The following ESF1 variants were observed in gnomAD, a reference collection of about 807,000 sequenced individuals.
The protein encoded by ESF1 is ESF1 homolog.
A neutral mutation model predicts 92.0 loss-of-function variants in ESF1; 58 were observed. That is an observed-to-expected ratio of 0.63 (90% CI 0.51 to 0.78). ESF1 has a LOEUF of 0.78. ESF1 is among the 30% of genes least tolerant of loss of function. ESF1 has a pLI of 0.00. For synonymous variants in ESF1, 321 were observed against 313.7 expected, an observed-to-expected ratio of 1.02 and a Z score of -0.24; for missense variants, 922 against 989.1, an observed-to-expected ratio of 0.93 and a Z score of 0.91.
chr20:13,717,601 C>A, intron 12 of ESF1, 87 bp from the exon 13 acceptor site: 1 of 1,457,126 alleles, frequency 6.9e-7, no homozygotes, highest in Admixed American at 2.0e-5. Context: ...GATATCTCTT[C>A]TAGAAAGGAA....
At chr20:13,749,446 C>T (rs987346893) in intron 9 of ESF1, among the ~76,000 whole-genome samples, 3 of 152,088 alleles carry the variant, frequency 2.0e-5, no homozygotes, top group Non-Finnish European at 4.4e-5. Flanking sequence ...AACGGGAACT[C>T]AGTGGTTACT....
intron 9 of ESF1, among the ~76,000 whole-genome samples, chr20:13,735,247 G>T (rs1449019919): frequency 6.6e-6 from 1 of 152,054 alleles, no homozygotes; most frequent in Non-Finnish European, 1.5e-5. Flanking sequence ...ACCTTCCTTG[G>T]TTTTTAACCC....
intron 10 of ESF1, among the ~76,000 whole-genome samples, chr20:13,732,232 C>T (rs983190971): frequency 5.0e-4 from 76 of 152,132 alleles, no homozygotes; most frequent in Admixed American, 4.8e-3. Context: ...GGAGGTCACC[C>T]AGCCGGTGTC....
At chr20:13,744,579 C>A (rs2050035900) in intron 9 of ESF1, among the ~76,000 whole-genome samples, 1 of 152,174 alleles carries the variant, frequency 6.6e-6, no homozygotes. Flanking sequence ...GCTTTCCATA[C>A]CCTGGCTAAC....
chr20:13,760,741 C>T (rs1458682081), intron 8 of ESF1, among the ~76,000 whole-genome samples: 7 of 150,520 alleles, frequency 4.7e-5, no homozygotes, highest in Admixed American at 3.3e-4. Flanking sequence ...CCAGCCGCCC[C>T]GTCCGGGAGG....
rs1332498670 is a variant in ESF1 at position 13,772,515 on chromosome 20, C to G, written c.1250G>C (p.Trp417Ser). Residue 417 changes from tryptophan (W) to serine (S), a missense_variant and splice_region_variant, in exon 5 of 14, where the codon TGG (tryptophan) becomes TCG (serine). Trp to Ser is a radical substitution (Grantham distance 177). Coordinates refer to ENST00000617257, the MANE Select transcript of ESF1 (RefSeq NM_001276380.2). ...TTTATGTTCTATAGTGATTTAATACCAGTCTTTTTCTGGGGCATCTTCAGG... is the reference window on the plus strand; with the variant it reads ...TTTATGTTCTATAGTGATTTAATACGAGTCTTTTTCTGGGGCATCTTCAGG... Reference protein sequence around the residue: ...SIPEDAPEKDWTSREKLRDYQ... With the variant: ...SIPEDAPEKDSTSREKLRDYQ... 6.3e-7 allele frequency: 1 copy of G among 1,596,726 alleles called. No homozygotes were observed. The highest frequency in any genetic ancestry group is 1.7e-5 in the Admixed American group (1 of 59,978).
At chr20:13,736,990 G>C (rs1422403829) in intron 9 of ESF1, among the ~76,000 whole-genome samples, 3 of 152,088 alleles carry the variant, frequency 2.0e-5, no homozygotes, top group African/African-American at 7.2e-5. Context: ...TAAATCTCTT[G>C]CCACAGATCA....
At chr20:13,716,844 G>T (rs1413879788) in intron 13 of ESF1, among the ~76,000 whole-genome samples, 7 of 87,124 alleles carry the variant, frequency 8.0e-5, no homozygotes, top group Admixed American at 1.4e-4. Context: ...TTTAGACAGA[G>T]TCTTGCTCTG....
intron 9 of ESF1, among the ~76,000 whole-genome samples, chr20:13,748,736 G>A (rs989430886): frequency 1.3e-4 from 20 of 150,974 alleles, no homozygotes; most frequent in East Asian, 2.0e-4. Flanking sequence ...ACAGGCACCC[G>A]CCACTAGGCC....
intron 5 of ESF1, among the ~76,000 whole-genome samples, chr20:13,772,096 TA>T (rs34368329): frequency 1.9e-4 from 28 of 145,954 alleles, no homozygotes; most frequent in African/African-American, 2.8e-4. Flanking sequence ...ACCATGATGA[TA>T]AAAAAAAAAG....
rs149735384 is a variant in ESF1 at position 13,723,835 on chromosome 20, T to C, written c.2038+4543A>G. On this transcript the variant is annotated intron_variant, in intron 11 of 13. Coordinates refer to ENST00000617257, the MANE Select transcript of ESF1 (RefSeq NM_001276380.2). ...TGCCAAATTCATTATATCTTAAATA[T>C]TTTTGAAAAGCAAGGTCTATATCCT... 4.4e-3 allele frequency among the ~76,000 whole-genome samples: 667 copies of C among 152,348 alleles called. 7 individuals carry two copies. The highest frequency in any genetic ancestry group is 0.016 in the African/African-American group (645 of 41,582).
intron 9 of ESF1, among the ~76,000 whole-genome samples, chr20:13,752,595 A>C (rs1978689680): frequency 6.6e-6 from 1 of 152,262 alleles, no homozygotes; most frequent in African/African-American, 2.4e-5. Context: ...TAAAAATTAA[A>C]ATGCTTGAAA....
intron 12 of ESF1, 87 bp downstream of exon 12, chr20:13,718,821 G>A: frequency 2.2e-6 from 2 of 903,166 alleles, no homozygotes; most frequent in East Asian, 3.0e-5. Context: ...AAAATAAGTT[G>A]TTTTTTAAAA....
At chr20:13,756,149 C>T (rs1328770232) in intron 9 of ESF1, among the ~76,000 whole-genome samples, 1 of 152,198 alleles carries the variant, frequency 6.6e-6, no homozygotes, top group East Asian at 1.9e-4. Flanking sequence ...TTGTAAGTAT[C>T]TCTAAGCAAG....
At chr20:13,765,928 T>C (rs946219711) in intron 8 of ESF1, among the ~76,000 whole-genome samples, 1 of 151,902 alleles carries the variant, frequency 6.6e-6, no homozygotes, top group Non-Finnish European at 1.5e-5. Flanking sequence ...GTAAAAAATA[T>C]AAAAAGTGGT....
rs746830244 is a variant in ESF1 at position 13,714,861 on chromosome 20, A to T, written c.*13T>A. On this transcript the variant is annotated 3_prime_UTR_variant, in exon 14 of 14. Coordinates refer to ENST00000617257, the MANE Select transcript of ESF1 (RefSeq NM_001276380.2). ...GAAAAGATGTATTCAGTTCAAAAAT[A>T]AGTAACATCCAGTTATTTGACTTTT... is the stretch of plus-strand genomic sequence containing the variant. 74 of 1,579,302 alleles carry T rather than the reference A, an allele frequency of 4.7e-5. No homozygotes were observed. Among genetic ancestry groups the T allele is most frequent in the Non-Finnish European group, 6.1e-5 (71 of 1,165,774 alleles).
chr20:13,776,237 C>T lies in ESF1; in HGVS notation c.671G>A (p.Gly224Asp). ...VQLIMTRDSD[G>D]YENSTDGEMC... ...TTCACCATCTGTTGAGTTTTCATAACCATCACTGTCTCTTGTCATTATGAG... is the reference window on the plus strand; with the variant it reads ...TTCACCATCTGTTGAGTTTTCATAATCATCACTGTCTCTTGTCATTATGAG... The change falls in exon 3 of 14, where the codon GGT becomes GAT. Residue 224 changes from glycine to aspartate, a missense_variant. Gly to Asp is a moderately conservative substitution (Grantham distance 94). Coordinates refer to ENST00000617257, the MANE Select transcript of ESF1 (RefSeq NM_001276380.2). 3.7e-6 allele frequency: 6 copies of T among 1,613,324 alleles called. No individual in the cohort carries two copies. Among genetic ancestry groups the T allele is most frequent in the Non-Finnish European group, 5.1e-6 (6 of 1,179,774 alleles).
At chr20:13,759,544 T>C (rs1979058374) in intron 9 of ESF1, 148 bp downstream of exon 9, 2 of 1,094,470 alleles carry the variant, frequency 1.8e-6, no homozygotes, top group Non-Finnish European at 2.4e-6. Context: ...GGTAAGAGTC[T>C]AAAATGCTAG....
intron 4 of ESF1, 151 bp from the exon 5 acceptor site, chr20:13,772,766 G>C (rs764464496): frequency 7.0e-6 from 4 of 567,656 alleles, no homozygotes; most frequent in Non-Finnish European, 1.2e-5. Context: ...GGAAGCTAGA[G>C]CATCTTGAGA....
Sources: gnomAD v4.1 joint callset for allele counts (sites outside exome capture counted in the v4.1 genomes callset) on GRCh38, gnomAD v4.1.1 for gene constraint, MANE v1.5 for transcripts, NCBI Gene and HGNC (gene_info 2026-07-23, HGNC 2026-07-21) for gene names.